Variants in XRCC6 observed in about 807,000 individuals in gnomAD.
XRCC6 encodes the protein X-ray repair cross complementing 6, also known as DNA repair protein Ku70.
In XRCC6, 5 loss-of-function variants were observed where a neutral mutation model predicts 65.7. The observed-to-expected ratio is 0.08, with a 90% CI of 0.04 to 0.16. XRCC6 has a LOEUF of 0.16. XRCC6 is among the 10% of genes least tolerant of loss of function. The pLI is 1.00. For synonymous variants in XRCC6, 270 were observed against 270.6 expected (o/e 1.00, Z 0.02); for missense variants, 447 against 738.1 (o/e 0.61, Z 4.57).
At chr22:41,633,377 C>G (rs79315884) in intron 3 of XRCC6, among the ~76,000 whole-genome samples, 222 of 151,720 alleles carry the variant, frequency 1.5e-3, no homozygotes, top group African/African-American at 5.3e-3. Flanking sequence ...GTGCTTTAAC[C>G]TTTTTTAGAC....
intron 5 of XRCC6, 45 bp from the exon 6 acceptor site, chr22:41,637,563 G>A (rs1569086338): frequency 1.4e-6 from 2 of 1,477,134 alleles, no homozygotes; most frequent in Non-Finnish European, 1.8e-6. Context: ...CTCACTTGCT[G>A]AAAATTGTTT....
At chr22:41,637,550 C>G (rs2067822450) in intron 5 of XRCC6, 58 bp from the exon 6 acceptor site, 1 of 1,419,130 alleles carries the variant, frequency 7.0e-7, no homozygotes, top group South Asian at 1.5e-5. Flanking sequence ...ACTGAAAGAA[C>G]TTCTCACTTG....
In XRCC6 at chr22:41,637,596, C is replaced by T; in HGVS notation, c.590-12C>T. ...TTTTTTCCTCCCTCACTTTTGTTTA[C>T]CCTTGCAACAGGCATCTTCCTTGAC... On this transcript the variant is annotated splice_polypyrimidine_tract_variant and intron_variant, in intron 5 of 12. Coordinates refer to ENST00000360079, the MANE Select transcript of XRCC6 (RefSeq NM_001469.5). 8 of 1,563,210 alleles carry T rather than the reference C, an allele frequency of 5.1e-6. No homozygotes were observed. The highest frequency in any genetic ancestry group is 6.9e-6 in the Non-Finnish European group (8 of 1,154,016).
At chr22:41,654,390 T>TAA (rs2068026605) in intron 9 of XRCC6, among the ~76,000 whole-genome samples, 1 of 152,174 alleles carries the variant, frequency 6.6e-6, no homozygotes, top group African/African-American at 2.4e-5. Context: ...TTCACCCTTT[T>TAA]ATGCTCTGCA....
At chr22:41,652,205 G>A (rs1028963880) in intron 8 of XRCC6, among the ~76,000 whole-genome samples, 84 of 151,960 alleles carry the variant, frequency 5.5e-4, no homozygotes, top group African/African-American at 1.9e-3. Context: ...TAAAGAGGAT[G>A]TGAACCTTGC....
At chr22:41,651,901 A>T (rs2068003423) in intron 8 of XRCC6, among the ~76,000 whole-genome samples, 1 of 151,896 alleles carries the variant, frequency 6.6e-6, no homozygotes, top group Non-Finnish European at 1.5e-5. Flanking sequence ...CTCCTGCCTG[A>T]GCCTCCCAAG....
intron 3 of XRCC6, among the ~76,000 whole-genome samples, chr22:41,630,489 CTTT>C (rs34290865): frequency 7.1e-6 from 1 of 141,732 alleles, no homozygotes; most frequent in African/African-American, 2.6e-5. Flanking sequence ...ATTAGTGTTT[CTTT>C]TTTTTTTTTT....
At chr22:41,624,914 G>A (rs576738035) in intron 2 of XRCC6, among the ~76,000 whole-genome samples, 17 of 149,598 alleles carry the variant, frequency 1.1e-4, no homozygotes, top group Non-Finnish European at 2.4e-4. Context: ...GGAGAATGGC[G>A]TGAACCCGGG....
chr22:41,632,015 G>C (rs1423460392), intron 3 of XRCC6, among the ~76,000 whole-genome samples: 1 of 152,170 alleles, frequency 6.6e-6, no homozygotes, highest in Non-Finnish European at 1.5e-5. Context: ...GCAATCGCAG[G>C]TGCTCGGCAG....
At chr22:41,626,402 A>G (rs1038419548) in intron 2 of XRCC6, among the ~76,000 whole-genome samples, 2 of 152,196 alleles carry the variant, frequency 1.3e-5, no homozygotes, top group Admixed American at 6.5e-5. Flanking sequence ...CGGCCTCCCA[A>G]AGTGCTGGGA....
At chr22:41,626,743 T>G (rs905499558) in intron 2 of XRCC6, among the ~76,000 whole-genome samples, 2 of 150,948 alleles carry the variant, frequency 1.3e-5, no homozygotes, top group African/African-American at 2.4e-5. Flanking sequence ...GTTCATGCCA[T>G]TCCCCTGCCT....
In XRCC6 at chr22:41,663,701, G is replaced by A. The variant is rs900267497; in HGVS notation, c.1716G>A (p.Thr572=). The change falls in exon 13 of 13, where the codon ACG becomes ACA. Residue 572 remains threonine (T), a synonymous_variant. Transcript: ENST00000360079. ...EELKTHISKG[T]LGKFTVPMLK... ...TGAAGACCCACATCAGCAAGGGTAC[G>A]CTGGGCAAGTTCACTGTGCCCATGC... The A allele has an allele frequency of 9.9e-6, 16 of 1,613,854 alleles. No homozygotes were observed. The highest frequency in any genetic ancestry group is 5.0e-5 in the Admixed American group (3 of 59,996).
At position 41,627,303 on chromosome 22, in the gene XRCC6, T is replaced by C. The variant is rs28384710; in HGVS notation, c.83-815T>C. Reference sequence around the variant, plus strand: ...GTGGGTGTGTGGTAGATCATGCCTATAATCCCAGCTCTTAGGCCAGGGCGG... The same window carrying C: ...GTGGGTGTGTGGTAGATCATGCCTACAATCCCAGCTCTTAGGCCAGGGCGG... On this transcript the variant is annotated intron_variant, in intron 2 of 12. Transcript: ENST00000360079. 5.9e-5 allele frequency among the ~76,000 whole-genome samples: 9 copies of C among 152,168 alleles called. No homozygotes were observed. The East Asian group carries it at 1.7e-3, about 29-fold the overall frequency.
chr22:41,624,624 C>T (rs1376491395), intron 2 of XRCC6, among the ~76,000 whole-genome samples: 2 of 146,088 alleles, frequency 1.4e-5, no homozygotes, highest in Admixed American at 6.9e-5. Flanking sequence ...GGAGGCAGAG[C>T]TTGCAGTGAG....
Position 41,647,060 on chromosome 22 carries a change from C to T in XRCC6, c.938C>T (p.Pro313Leu), listed in dbSNP as rs2067939344. 1 of 1,614,074 alleles carries T rather than the reference C, an allele frequency of 6.2e-7. No homozygotes were observed. The highest frequency in any genetic ancestry group is 8.5e-7 in the Non-Finnish European group (1 of 1,180,016). ...FNTSTGGLLLPSDTKRSQIYG... is the reference protein window; with the variant it reads ...FNTSTGGLLLLSDTKRSQIYG... ...ACAAGTACAGGCGGTTTGCTTCTGC[C>T]TAGCGATACCAAGAGGTCTCAGGTA... Residue 313 changes from proline (P) to leucine (L), a missense_variant, in exon 7 of 13, where the codon CCT becomes CTT. By Grantham distance (98) the Pro-to-Leu change is moderately conservative. Around this residue, in one of 4 missense-constraint regions of XRCC6, gnomAD observed 201 missense variants for 374.1 expected, o/e 0.54. Transcript: ENST00000360079.
intron 7 of XRCC6, among the ~76,000 whole-genome samples, chr22:41,649,141 T>TA (rs931051925): frequency 6.1e-5 from 6 of 98,556 alleles, no homozygotes; most frequent in African/African-American, 2.8e-4. Flanking sequence ...AAAAAAAAAA[T>TA]ATATATATAT....
chr22:41,662,422 AACAT>A (rs1470684691), intron 12 of XRCC6, among the ~76,000 whole-genome samples: 2 of 152,222 alleles, frequency 1.3e-5, no homozygotes, highest in African/African-American at 4.8e-5. Flanking sequence ...TACACATACC[AACAT>A]ACATATTTCA....
At chr22:41,626,245 C>T (rs1017942403) in intron 2 of XRCC6, among the ~76,000 whole-genome samples, 2 of 150,216 alleles carry the variant, frequency 1.3e-5, no homozygotes, top group Admixed American at 1.3e-4. Context: ...CAGATTCAAG[C>T]GATTCTCCCA....
At chr22:41,637,053 ACT>A (rs2147084226) in intron 5 of XRCC6, among the ~76,000 whole-genome samples, 1 of 148,676 alleles carries the variant, frequency 6.7e-6, no homozygotes, top group Non-Finnish European at 1.5e-5. Flanking sequence ...TGTCTAAAGG[ACT>A]CTGTCAGAAC....
Sources: allele counts gnomAD v4.1 joint callset (sites outside exome capture counted in the v4.1 genomes callset), GRCh38; gene constraint gnomAD v4.1.1; regional missense constraint gnomAD v4.1.1; transcripts MANE v1.5; gene names NCBI Gene and HGNC (gene_info 2026-07-23, HGNC 2026-07-21).